The following APBB1IP variants were observed in gnomAD, a reference collection of about 807,000 sequenced individuals.
APBB1IP encodes the protein amyloid beta A4 precursor protein-binding family B member 1-interacting protein.
A neutral mutation model predicts 64.9 loss-of-function variants in APBB1IP; 27 were observed. That is an observed-to-expected ratio of 0.42 (90% confidence interval 0.31 to 0.57). The LOEUF (loss-of-function observed/expected upper bound fraction) is 0.57, where lower values mean the gene tolerates loss of function less well. Ranked by LOEUF, APBB1IP falls within the 20% of genes least tolerant of loss-of-function variation. The pLI is 0.20. For synonymous variants in APBB1IP, 392 were observed against 331.0 expected (o/e 1.18, Z -2.00); for missense variants, 812 against 845.5 (o/e 0.96, Z 0.49).
intron 2 of APBB1IP, among the ~76,000 whole-genome samples, chr10:26,466,586 A>G (rs1835650963): frequency 1.3e-5 from 2 of 152,290 alleles, no homozygotes; most frequent in East Asian, 3.9e-4. Context: ...AGATCACTTG[A>G]GGCCAGGAGG....
At position 26,533,474 on chromosome 10, in the gene APBB1IP, C is replaced by T; in HGVS notation, c.849C>T (p.Ser283=). 2 of 1,602,512 alleles carry T rather than the reference C, an allele frequency of 1.2e-6. No individual in the cohort carries two copies. The highest frequency in any genetic ancestry group is 1.7e-6 in the Non-Finnish European group (2 of 1,175,080). The change falls in exon 9 of 15, where the codon AGC becomes AGT. Residue 283 remains serine (S), a synonymous_variant. Transcript: ENST00000376236. ...TGGATAACAGAGGAAAAAAAGAAAG[C>T]AAGGAAACTAATGAGAAAATGAATG... The part of the protein sequence containing the change: ...FYLDNRGKKE[S]KETNEKMNAK...
At chr10:26,538,107 A>G (rs1005759397) in intron 10 of APBB1IP, among the ~76,000 whole-genome samples, 5 of 152,244 alleles carry the variant, frequency 3.3e-5, no homozygotes, top group African/African-American at 9.6e-5. Flanking sequence ...TTGTCTATCC[A>G]GCAATATGAG....
chr10:26,476,464 AAGAAG>A (rs1266777397), intron 2 of APBB1IP, among the ~76,000 whole-genome samples: 63 of 143,892 alleles, frequency 4.4e-4, no homozygotes, highest in Non-Finnish European at 2.4e-4. Flanking sequence ...AAAAAAAAAA[AAGAAG>A]AAAAGAAAAG....
At chr10:26,444,853 A>G (rs1385152346) in intron 2 of APBB1IP, among the ~76,000 whole-genome samples, 1 of 152,148 alleles carries the variant, frequency 6.6e-6, no homozygotes, top group Non-Finnish European at 1.5e-5. Flanking sequence ...AATCCCAAAC[A>G]CTTTGGGAGG....
At chr10:26,525,237 A>G (rs1413564613) in intron 8 of APBB1IP, among the ~76,000 whole-genome samples, 1 of 152,070 alleles carries the variant, frequency 6.6e-6, no homozygotes, top group African/African-American at 2.4e-5. Flanking sequence ...GGCCGTGATC[A>G]TGCCATTGCA....
intron 11 of APBB1IP, 133 bp downstream of exon 11, chr10:26,541,825 G>A (rs1320072023): frequency 5.2e-6 from 3 of 577,476 alleles, no homozygotes; most frequent in Non-Finnish European, 2.9e-6. Context: ...TAGGAATGAG[G>A]GAAACATTTC....
At chr10:26,494,261 C>T (rs564925022) in intron 3 of APBB1IP, among the ~76,000 whole-genome samples, 22 of 152,304 alleles carry the variant, frequency 1.4e-4, no homozygotes, top group Admixed American at 9.8e-4. Flanking sequence ...CCACTGTCAG[C>T]GCCACTACAG....
At chr10:26,537,990 C>T (rs528178329) in intron 10 of APBB1IP, among the ~76,000 whole-genome samples, 1 of 150,296 alleles carries the variant, frequency 6.7e-6, no homozygotes, top group Admixed American at 6.6e-5. Context: ...TACCTTCTCT[C>T]ACTGTTACCA....
chr10:26,562,279 T>C (rs1347282202), intron 13 of APBB1IP, 47 bp from the exon 14 acceptor site: 1 of 1,400,512 alleles, frequency 7.1e-7, no homozygotes, highest in Admixed American at 1.7e-5. Context: ...TTCAAGAATG[T>C]TGAAAATGCT....
intron 2 of APBB1IP, among the ~76,000 whole-genome samples, chr10:26,444,086 T>G (rs1218460429): frequency 6.6e-6 from 1 of 152,186 alleles, no homozygotes; most frequent in Non-Finnish European, 1.5e-5. Context: ...CCCTTTCGTT[T>G]GCAGGAGACA....
At chr10:26,493,943 C>A (rs1267725551) in intron 3 of APBB1IP, among the ~76,000 whole-genome samples, 1 of 152,082 alleles carries the variant, frequency 6.6e-6, no homozygotes, top group East Asian at 1.9e-4. Flanking sequence ...CTCAAGTGAT[C>A]CTCTGGCCTC....
At chr10:26,469,487 G>C (rs1835690898) in intron 2 of APBB1IP, among the ~76,000 whole-genome samples, 1 of 152,026 alleles carries the variant, frequency 6.6e-6, no homozygotes, top group South Asian at 2.1e-4. Context: ...CCAACCTCAT[G>C]TGATCCATCT....
intron 10 of APBB1IP, among the ~76,000 whole-genome samples, chr10:26,537,569 G>A (rs1836641043): frequency 6.6e-6 from 1 of 152,092 alleles, no homozygotes; most frequent in African/African-American, 2.4e-5. Flanking sequence ...TATGTCTTAG[G>A]CATTTGAATA....
At chr10:26,467,946 A>G (rs1835667841) in intron 2 of APBB1IP, among the ~76,000 whole-genome samples, 1 of 152,250 alleles carries the variant, frequency 6.6e-6, no homozygotes, top group African/African-American at 2.4e-5. Flanking sequence ...GATAGAAACT[A>G]CAACCGCTAT....
At chr10:26,558,461 A>G (rs1419206684) in intron 11 of APBB1IP, among the ~76,000 whole-genome samples, 3 of 152,154 alleles carry the variant, frequency 2.0e-5, no homozygotes, top group Non-Finnish European at 4.4e-5. Flanking sequence ...TTCATGGAAG[A>G]CACAGTCTAT....
intron 2 of APBB1IP, among the ~76,000 whole-genome samples, chr10:26,443,611 T>C (rs1281000841): frequency 1.3e-5 from 2 of 152,190 alleles, no homozygotes; most frequent in Non-Finnish European, 2.9e-5. Flanking sequence ...TAAGGCTCAC[T>C]GTAGCCTCAA....
At chr10:26,550,283 T>A (rs1836815171) in intron 11 of APBB1IP, among the ~76,000 whole-genome samples, 1 of 152,126 alleles carries the variant, frequency 6.6e-6, no homozygotes, top group African/African-American at 2.4e-5. Flanking sequence ...TGTGCCTGGA[T>A]ATTTGTATCT....
intron 4 of APBB1IP, among the ~76,000 whole-genome samples, chr10:26,500,276 G>A (rs1218650328): frequency 1.3e-5 from 2 of 151,704 alleles, no homozygotes; most frequent in Middle Eastern, 3.2e-3. Flanking sequence ...TGAATATGAA[G>A]TTTTCTACAG....
chr10:26,562,442 A>G lies in APBB1IP; in HGVS notation c.1473+13A>G. 1 of 1,603,892 alleles carries G rather than the reference A, an allele frequency of 6.2e-7. No homozygotes were observed. Among genetic ancestry groups the G allele is most frequent in the Non-Finnish European group, 8.5e-7 (1 of 1,170,918 alleles). The stretch of plus-strand genomic sequence containing the variant: ...TGAAACATCGAAGGTAAAACCAGCA[A>G]GCAGCTGACCCCTATAAGCCATGTT... On this transcript the variant is annotated intron_variant, in intron 14 of 14. Coordinates refer to ENST00000376236, the MANE Select transcript of APBB1IP (RefSeq NM_019043.4).
Sources: gnomAD v4.1 joint callset for allele counts (sites outside exome capture counted in the v4.1 genomes callset) on GRCh38, gnomAD v4.1.1 for gene constraint, MANE v1.5 for transcripts, NCBI Gene and HGNC (gene_info 2026-07-23, HGNC 2026-07-21) for gene names.